The following ENOX1 variants were observed in gnomAD, a reference collection of about 807,000 sequenced individuals.
ENOX1 encodes candidate growth-related and time keeping constitutive hydroquinone (NADH) oxidase.
ENOX1 carries 42 observed loss-of-function variants against 82.5 expected under a neutral mutation model. That is an observed-to-expected ratio of 0.51 (90% CI 0.40 to 0.66). ENOX1 has a LOEUF of 0.66. Among genes scored for constraint, ENOX1 ranks in the 30% least tolerant of loss-of-function variants. ENOX1 has a pLI of 0.00. For synonymous variants in ENOX1, 271 were observed against 282.2 expected, an observed-to-expected ratio of 0.96 and a Z score of 0.40; for missense variants, 608 against 811.6, an observed-to-expected ratio of 0.75 and a Z score of 3.05.
At chr13:43,381,436 A>G (rs2052031714) in intron 5 of ENOX1, among the ~76,000 whole-genome samples, 1 of 151,134 alleles carries the variant, frequency 6.6e-6, no homozygotes, top group African/African-American at 2.4e-5. Context: ...GAAAAGAAGA[A>G]AGGTCTTACA....
chr13:43,399,970 C>T (rs2053398665), intron 5 of ENOX1, among the ~76,000 whole-genome samples: 1 of 151,976 alleles, frequency 6.6e-6, no homozygotes, highest in Non-Finnish European at 1.5e-5. Context: ...TTTTTCATGG[C>T]TCCACTGCCA....
chr13:43,436,376 A>T (rs2056029556), intron 3 of ENOX1, among the ~76,000 whole-genome samples: 1 of 152,240 alleles, frequency 6.6e-6, no homozygotes, highest in South Asian at 2.1e-4. Flanking sequence ...CATAAAATAG[A>T]TCATTTCAGT....
At chr13:43,771,486 A>C (rs562406295) in intron 1 of ENOX1, among the ~76,000 whole-genome samples, 2 of 151,800 alleles carry the variant, frequency 1.3e-5, no homozygotes, top group African/African-American at 4.9e-5. Flanking sequence ...TACAATTATA[A>C]CTTAATTAAT....
At chr13:43,575,774 C>A (rs1392970164) in intron 2 of ENOX1, among the ~76,000 whole-genome samples, 1 of 152,170 alleles carries the variant, frequency 6.6e-6, no homozygotes, top group Non-Finnish European at 1.5e-5. Flanking sequence ...GCTTGGCTAG[C>A]CCTTTGGTAT....
At chr13:43,666,185 T>G (rs2153788169) in intron 2 of ENOX1, among the ~76,000 whole-genome samples, 1 of 152,216 alleles carries the variant, frequency 6.6e-6, no homozygotes, top group East Asian at 1.9e-4. Flanking sequence ...ATAGACTTGC[T>G]GGATGCAGGG....
intron 1 of ENOX1, among the ~76,000 whole-genome samples, chr13:43,669,905 A>C (rs1264930697): frequency 6.6e-6 from 1 of 152,160 alleles, no homozygotes; most frequent in Non-Finnish European, 1.5e-5. Context: ...TTGTACTGAA[A>C]GGGGATAAAG....
In ENOX1 at chr13:43,624,567, A is replaced by G. The variant is rs538182459; in HGVS notation, c.-219+42912T>C. Among the ~76,000 whole-genome samples, 5 of 152,222 alleles carry G rather than the reference A, an allele frequency of 3.3e-5. No individual in the cohort carries two copies. The South Asian group carries it at 8.3e-4, about 25-fold the overall frequency. On this transcript the variant is annotated intron_variant, in intron 2 of 16. Transcript: ENST00000690772. ...TCCATAATCCATTTCGAATTTTTAC[A>G]TAAGGTGTGCTACTGAGAATGAAGT... is the stretch of plus-strand genomic sequence containing the variant.
At chr13:43,562,150 A>C (rs964400991) in intron 2 of ENOX1, among the ~76,000 whole-genome samples, 7 of 152,150 alleles carry the variant, frequency 4.6e-5, no homozygotes, top group African/African-American at 1.7e-4. Context: ...GAACCAATGC[A>C]AAATAATAGT....
rs188365520 is a variant in ENOX1 at position 43,620,659 on chromosome 13, G to A, written c.-219+46820C>T. Among the ~76,000 whole-genome samples the A allele has an allele frequency of 1.5e-4, 23 of 152,146 alleles. No homozygotes were observed. The East Asian group carries it at 3.3e-3, about 22-fold the overall frequency. On this transcript the variant is annotated intron_variant, in intron 2 of 16. Transcript: ENST00000690772. ...TAAATTTATTAAGGCTCATTTTATG[G>A]CCTATCATATGGTTTACCTTGAAGA...
intron 9 of ENOX1, among the ~76,000 whole-genome samples, chr13:43,328,515 A>C (rs2048242995): frequency 6.6e-6 from 1 of 152,190 alleles, no homozygotes; most frequent in Non-Finnish European, 1.5e-5. Flanking sequence ...AATAGTGAAA[A>C]TTCTGACATC....
chr13:43,295,178 G>A (rs993925095), intron 12 of ENOX1, among the ~76,000 whole-genome samples: 20 of 152,160 alleles, frequency 1.3e-4, no homozygotes, highest in African/African-American at 4.1e-4. Flanking sequence ...TTTAAAATAT[G>A]TATAGTCTTT....
At chr13:43,714,245 G>A (rs1326616970) in intron 1 of ENOX1, among the ~76,000 whole-genome samples, 5 of 152,086 alleles carry the variant, frequency 3.3e-5, no homozygotes, top group African/African-American at 7.2e-5. Context: ...TCTTAATCCC[G>A]AGTTCTAGTT....
intron 1 of ENOX1, among the ~76,000 whole-genome samples, chr13:43,772,379 A>G (rs995404158): frequency 2.6e-5 from 4 of 152,166 alleles, no homozygotes; most frequent in Non-Finnish European, 5.9e-5. Context: ...ACTCAAAATT[A>G]CAAGCATGCA....
chr13:43,411,941 C>A lies in ENOX1; in HGVS notation c.183G>T (p.Gly61=). 6.2e-7 allele frequency: 1 copy of A among 1,614,194 alleles called. No homozygotes were observed. The highest frequency in any genetic ancestry group is 1.3e-5 in the African/African-American group (1 of 75,054). The change falls in exon 5 of 17, where the codon GGG becomes GGT. Residue 61 remains glycine (G), a synonymous_variant. Transcript: ENST00000690772. ...CAGACACGAGCTGCTGTCCAGGCAA[C>A]CCTACGGGAACCATGCCCAGGTTAT... ...AMNNLGMVPV[G]LPGQQLVSDS...
At chr13:43,235,906 A>G (rs2042525499) in intron 15 of ENOX1, among the ~76,000 whole-genome samples, 1 of 152,130 alleles carries the variant, frequency 6.6e-6, no homozygotes, top group Non-Finnish European at 1.5e-5. Flanking sequence ...TGCAGCTTGA[A>G]TCAGTTCTGT....
chr13:43,455,493 ATTC>A (rs764169478), intron 3 of ENOX1, among the ~76,000 whole-genome samples: 2 of 150,710 alleles, frequency 1.3e-5, no homozygotes, highest in Non-Finnish European at 3.0e-5. Context: ...CATTTTGACA[ATTC>A]TTCTTCTATT....
intron 2 of ENOX1, among the ~76,000 whole-genome samples, chr13:43,535,207 A>G (rs2078404435): frequency 6.6e-6 from 1 of 152,210 alleles, no homozygotes; most frequent in Non-Finnish European, 1.5e-5. Flanking sequence ...CATCATTATC[A>G]TGAAAGACTT....
intron 2 of ENOX1, among the ~76,000 whole-genome samples, chr13:43,510,977 C>A (rs540111911): frequency 6.6e-6 from 1 of 152,086 alleles, no homozygotes; most frequent in Non-Finnish European, 1.5e-5. Context: ...GTCCATACTG[C>A]GAACTTTTTC....
At chr13:43,395,590 AT>A (rs1468789811) in intron 5 of ENOX1, among the ~76,000 whole-genome samples, 1 of 152,166 alleles carries the variant, frequency 6.6e-6, no homozygotes, top group Non-Finnish European at 1.5e-5. Flanking sequence ...AAATCTTATG[AT>A]TTCCACTAAC....
Sources: gnomAD v4.1 joint callset for allele counts (sites outside exome capture counted in the v4.1 genomes callset) on GRCh38, gnomAD v4.1.1 for gene constraint, MANE v1.5 for transcripts, NCBI Gene and HGNC (gene_info 2026-07-23, HGNC 2026-07-21) for gene names.